Variants in C22orf39 observed in about 807,000 individuals in gnomAD.
The protein encoded by C22orf39 is synaptic plasticity regulator PANTS.
A neutral mutation model predicts 18.3 loss-of-function variants in C22orf39; 20 were observed. The ratio of observed to expected loss-of-function variants is 1.09; its 90% CI spans 0.77 to 1.59. C22orf39 has a LOEUF of 1.59. Ranked by LOEUF, C22orf39 falls within the 40% of genes most tolerant of loss-of-function variation. The pLI is 0.00. For synonymous variants in C22orf39, 63 were observed against 59.6 expected (o/e 1.06, Z -0.26); for missense variants, 195 against 156.1 (o/e 1.25, Z -1.33).
chr22:19,447,656 C>T lies in C22orf39; in HGVS notation c.24+9G>A. On this transcript the variant is annotated intron_variant, in intron 1 of 2. Transcript: ENST00000399562. ...CCGGTGGTTCCCGGCTCCGACCCAG[C>T]ACACTCACCTGCCAGCCGCTGCCGT... 6.2e-6 allele frequency: 10 copies of T among 1,610,634 alleles called. No homozygotes were observed. Among genetic ancestry groups the T allele is most frequent in the Middle Eastern group, 1.7e-4 (1 of 6,002 alleles).
rs535158179 is a variant in C22orf39 at position 19,444,331 on chromosome 22, C to T, written c.252G>A (p.Val84=). 1.0e-5 allele frequency: 16 copies of T among 1,601,810 alleles called. No homozygotes were observed. In the Admixed American group the frequency reaches 1.9e-4, roughly 19 times the overall value. The change falls in exon 3 of 3, where the codon GTG becomes GTA. Residue 84 remains valine (V), a synonymous_variant. Transcript: ENST00000399562. ...RVRAARKHIL[V]WAPRQSPPPD... ...GAGGGGGGCTCTGCCTCGGGGCCCA[C>T]ACCAGGATGTGCTTCCGTGCAGCCC... is the stretch of plus-strand genomic sequence containing the variant.
At chr22:19,445,402 G>C (rs1377986988) in intron 2 of C22orf39, among the ~76,000 whole-genome samples, 1 of 152,178 alleles carries the variant, frequency 6.6e-6, no homozygotes, top group Non-Finnish European at 1.5e-5. Context: ...GTCTATTAGT[G>C]AAATTTAGGT....
Position 19,444,377 on chromosome 22 carries a change from TCA to T in C22orf39, c.204_205del (p.Cys68Ter), listed in dbSNP as rs2089629410. Reference sequence around the variant, plus strand: ...AGCCCGGACTCGTGCCCGCTCGCTCTCACAGAGGGATTGCTGTGCAAATGAGA... The same window carrying T: ...AGCCCGGACTCGTGCCCGCTCGCTCTCAGAGGGATTGCTGTGCAAATGAGA... On this transcript the variant is annotated stop_gained and frameshift_variant, in exon 3 of 3. Coordinates refer to ENST00000399562, the MANE Select transcript of C22orf39 (RefSeq NM_173793.5). LOFTEE classifies it high-confidence loss of function. 1.2e-6 allele frequency: 2 copies of T among 1,601,308 alleles called. No individual in the cohort carries two copies. The highest frequency in any genetic ancestry group is 1.1e-5 in the South Asian group (1 of 89,590).
At position 19,447,428 on chromosome 22, in the gene C22orf39, C is replaced by A; in HGVS notation, c.142G>T (p.Asp48Tyr). ...TCCCAGTCGCGGCAGCTGGCCAGGT[C>A]GCGCTGCCACTGTTCGCAGGCCGGC... is the stretch of plus-strand genomic sequence containing the variant. ...ERPACEQWQRDLASCRDWEER... is the reference protein window; with the variant it reads ...ERPACEQWQRYLASCRDWEER... Residue 48 changes from aspartate to tyrosine, a missense_variant, in exon 2 of 3, where the codon GAC becomes TAC. By Grantham distance (160) the Asp-to-Tyr change is radical. Transcript: ENST00000399562. The A allele has an allele frequency of 2.0e-6, 3 of 1,509,198 alleles. No homozygotes were observed. Among genetic ancestry groups the A allele is most frequent in the Non-Finnish European group, 2.6e-6 (3 of 1,136,998 alleles). The allele number at this position is 1,509,198 out of a possible 1,614,324, so 93.5% of individuals were successfully genotyped here.
Position 19,441,816 on chromosome 22 carries a change from A to G in C22orf39, c.*2449T>C. The G allele has an allele frequency of 7.5e-7, 1 of 1,328,628 alleles. No homozygotes were observed. Among genetic ancestry groups the G allele is most frequent in the Non-Finnish European group, 1.0e-6 (1 of 989,474 alleles). 82.3% of individuals were successfully genotyped at this position (1,328,628 alleles called of 1,614,324 possible). On this transcript the variant is annotated 3_prime_UTR_variant, in exon 3 of 3. Coordinates refer to ENST00000399562, the MANE Select transcript of C22orf39 (RefSeq NM_173793.5). ...ATTTTATTTTTATTTATTTTGAGAC[A>G]GGATATTGCTCTGTCACCCAGGTTG...
Position 19,443,349 on chromosome 22 carries a change from C to T in C22orf39, c.*916G>A. Reference sequence around the variant, plus strand: ...GAGAAACCATTCTATTAGTAATAAACAGACCTCTTCAAGAAATAGTGTTTT... The same window carrying T: ...GAGAAACCATTCTATTAGTAATAAATAGACCTCTTCAAGAAATAGTGTTTT... On this transcript the variant is annotated 3_prime_UTR_variant, in exon 3 of 3. Coordinates refer to ENST00000399562, the MANE Select transcript of C22orf39 (RefSeq NM_173793.5). 1 of 985,540 alleles carries T rather than the reference C, an allele frequency of 1.0e-6. No individual in the cohort carries two copies. The highest frequency in any genetic ancestry group is 1.2e-6 in the Non-Finnish European group (1 of 829,916). The allele number at this position is 985,540 out of a possible 1,614,324, so 61.0% of individuals were successfully genotyped here.
At chr22:19,446,069 G>A (rs1411220226) in intron 2 of C22orf39, among the ~76,000 whole-genome samples, 4 of 151,876 alleles carry the variant, frequency 2.6e-5, no homozygotes, top group African/African-American at 4.8e-5. Flanking sequence ...CCCTTGCCTC[G>A]GCCTCCCAAA....
At chr22:19,446,364 A>C (rs1004467157) in intron 2 of C22orf39, among the ~76,000 whole-genome samples, 3 of 152,166 alleles carry the variant, frequency 2.0e-5, no homozygotes, top group Non-Finnish European at 2.9e-5. Flanking sequence ...ACATCAGTTC[A>C]TCTCTTTCAG....
chr22:19,445,582 C>A (rs751257702), intron 2 of C22orf39, among the ~76,000 whole-genome samples: 5 of 152,206 alleles, frequency 3.3e-5, no homozygotes, highest in Non-Finnish European at 5.9e-5. Context: ...ACCAACACTG[C>A]ACAACTACCC....
At position 19,443,092 on chromosome 22, in the gene C22orf39, C is replaced by A; in HGVS notation, c.*1173G>T. On this transcript the variant is annotated 3_prime_UTR_variant, in exon 3 of 3. Transcript: ENST00000399562. ...CCCGTGAGCACAACCCCCACCCCCACCCCCACTGTTCACAGACACAGGGGC... is the reference window on the plus strand; with the variant it reads ...CCCGTGAGCACAACCCCCACCCCCAACCCCACTGTTCACAGACACAGGGGC... 2 of 794,792 alleles carry A rather than the reference C, an allele frequency of 2.5e-6. No individual in the cohort carries two copies. The highest frequency in any genetic ancestry group is 3.0e-6 in the Non-Finnish European group (2 of 658,120). 49.2% of individuals were successfully genotyped at this position (794,792 alleles called of 1,614,324 possible).
Position 19,441,921 on chromosome 22 carries a change from A to G in C22orf39, c.*2344T>C. 2.0e-6 allele frequency: 1 copy of G among 501,242 alleles called. No homozygotes were observed. Among genetic ancestry groups the G allele is most frequent in the South Asian group, 2.8e-5 (1 of 36,332 alleles). 31.0% of individuals were successfully genotyped at this position (501,242 alleles called of 1,614,324 possible). A position where few individuals can be genotyped will look rare whatever the true frequency, so the allele number is the denominator to read the frequency against. On this transcript the variant is annotated 3_prime_UTR_variant, in exon 3 of 3. Coordinates refer to ENST00000399562, the MANE Select transcript of C22orf39 (RefSeq NM_173793.5). ...ACAATCCTCCTATCTCAGCCTCCGAAGTAGCTGGAACTACAAATGCACGCC... is the reference window on the plus strand; with the variant it reads ...ACAATCCTCCTATCTCAGCCTCCGAGGTAGCTGGAACTACAAATGCACGCC...
At chr22:19,446,398 T>C (rs545274956) in intron 2 of C22orf39, among the ~76,000 whole-genome samples, 56 of 152,320 alleles carry the variant, frequency 3.7e-4, no homozygotes, top group African/African-American at 1.3e-3. Flanking sequence ...CTTAATAATG[T>C]TGAAGTGTTG....
chr22:19,447,240 T>C, intron 2 of C22orf39, 138 bp downstream of exon 2: 1 of 966,082 alleles, frequency 1.0e-6, no homozygotes, highest in Admixed American at 4.0e-5. Flanking sequence ...ACACAATCTC[T>C]CAAAAGAAAG....
At chr22:19,446,692 C>T (rs2904558) in intron 2 of C22orf39, among the ~76,000 whole-genome samples, 133,170 of 152,146 alleles carry the variant, frequency 0.88, 58,549 homozygotes, top group African/African-American at 0.96. Flanking sequence ...GATTGAACTT[C>T]TTTTACCCTC....
chr22:19,447,118 C>G (rs892896555), intron 2 of C22orf39, among the ~76,000 whole-genome samples: 5 of 151,260 alleles, frequency 3.3e-5, no homozygotes, highest in South Asian at 2.1e-4. Context: ...GCTGATGACC[C>G]TAACACCGGA....
intron 2 of C22orf39, among the ~76,000 whole-genome samples, chr22:19,446,583 C>T (rs1452912633): frequency 6.6e-6 from 1 of 152,224 alleles, no homozygotes; most frequent in Non-Finnish European, 1.5e-5. Context: ...CCCAAGAGCA[C>T]CCAATGTGGT....
At position 19,446,763 on chromosome 22, in the gene C22orf39, T is replaced by C. The variant is rs552899588; in HGVS notation, c.192+615A>G. ...TGTTATCCAGGCTGGTGTGCAGTGG[T>C]GTGACCATAGCTCACTGCAGCTTTG... On this transcript the variant is annotated intron_variant, in intron 2 of 2. Transcript: ENST00000399562. 3.3e-5 allele frequency among the ~76,000 whole-genome samples: 5 copies of C among 152,210 alleles called. No homozygotes were observed. In the East Asian group the frequency reaches 9.7e-4, roughly 29 times the overall value.
In C22orf39 at chr22:19,444,262, T is replaced by C. The variant is rs766314898; in HGVS notation, c.*3A>G. On this transcript the variant is annotated 3_prime_UTR_variant, in exon 3 of 3. Transcript: ENST00000399562. ...CTGCACAGGCCAATGGCAGGGATGC[T>C]TGTCACTCGTCCTTCTCCTGTGGCA... 7 of 1,578,792 alleles carry C rather than the reference T, an allele frequency of 4.4e-6. No homozygotes were observed. Among genetic ancestry groups the C allele is most frequent in the East Asian group, 4.6e-5 (2 of 43,150 alleles).
In C22orf39 at chr22:19,443,960, C is replaced by T. The variant is rs1441819619; in HGVS notation, c.*305G>A. ...TACCTGAGAAGCCTAGACCTCAGGA[C>T]CGCCATCTCCTATGCTACCATGCCC... On this transcript the variant is annotated 3_prime_UTR_variant, in exon 3 of 3. Coordinates refer to ENST00000399562, the MANE Select transcript of C22orf39 (RefSeq NM_173793.5). 2.9e-5 allele frequency: 32 copies of T among 1,117,636 alleles called. No homozygotes were observed. The highest frequency in any genetic ancestry group is 3.5e-5 in the Non-Finnish European group (32 of 915,200). The allele number at this position is 1,117,636 out of a possible 1,614,324, so 69.2% of individuals were successfully genotyped here. A position where few individuals can be genotyped will look rare whatever the true frequency, so the allele number is the denominator to read the frequency against.
Sources: gnomAD v4.1 joint callset for allele counts (sites outside exome capture counted in the v4.1 genomes callset) on GRCh38, gnomAD v4.1.1 for gene constraint, MANE v1.5 for transcripts, NCBI Gene and HGNC (gene_info 2026-07-23, HGNC 2026-07-21) for gene names.